The following KCNQ1 variants were observed in gnomAD, a reference collection of about 807,000 sequenced individuals.
KCNQ1 encodes the protein potassium voltage-gated channel subfamily Q member 1.
In KCNQ1, 49 loss-of-function variants were observed where a neutral mutation model predicts 72.4. The ratio of observed to expected loss-of-function variants is 0.68; its 90% confidence interval spans 0.54 to 0.86. The LOEUF is 0.86. Ranked by LOEUF, KCNQ1 falls within the 40% of genes least tolerant of loss-of-function variation. The pLI, the probability that KCNQ1 is intolerant of heterozygous loss-of-function variation, is 0.00. For missense variants in KCNQ1, 790 were observed against 945.1 expected (o/e 0.84, Z 2.15); for synonymous variants, 450 against 412.6 (o/e 1.09, Z -1.10).
intron 10 of KCNQ1, chr11:2,633,821 G>C (rs1347660523): frequency 5.0e-6 from 2 of 398,460 alleles, no homozygotes; most frequent in Non-Finnish European, 8.8e-6. Context: ...CAAAAGCCAT[G>C]TATATTCAAG....
intron 11 of KCNQ1, among the ~76,000 whole-genome samples, chr11:2,709,377 A>G (rs903367700): frequency 3.3e-5 from 5 of 149,792 alleles, no homozygotes; most frequent in Non-Finnish European, 4.4e-5. Context: ...TGGAATTGGG[A>G]GCCACTCTCG....
chr11:2,447,630 G>A lies in KCNQ1; in HGVS notation c.386+2146G>A, dbSNP rs934226712. Among the ~76,000 whole-genome samples the A allele has an allele frequency of 3.9e-5, 6 of 152,218 alleles. No individual in the cohort carries two copies. Among genetic ancestry groups the A allele is most frequent in the Admixed American group, 6.5e-5 (1 of 15,286 alleles). On this transcript the variant is annotated intron_variant, in intron 1 of 15. Coordinates refer to ENST00000155840, the MANE Select transcript of KCNQ1 (RefSeq NM_000218.3). The surrounding 1 kb of genome is among the most constrained non-coding windows in gnomAD (Gnocchi z 7.6). ...AGCTGGAGGCCACCTGCAGCCTCAC[G>A]AAATCAGGTCCAGCCTTGCGCCAGT...
Position 2,669,543 on chromosome 11 carries a change from G to T in KCNQ1, c.1514+7462G>T. The T allele has an allele frequency of 2.5e-6, 1 of 398,636 alleles. No individual in the cohort carries two copies. Among genetic ancestry groups the T allele is most frequent in the Non-Finnish European group, 4.4e-6 (1 of 226,086 alleles). 24.7% of individuals were successfully genotyped at this position (398,636 alleles called of 1,614,324 possible). ...GTATGTTCGCTGAATCCAGGGACAA[G>T]GTCTGTCAGGGAGCCCTGGCCAGCT... On this transcript the variant is annotated intron_variant, in intron 11 of 15. Transcript: ENST00000155840. This position sits in a 1 kb window ranked among gnomAD's most constrained non-coding sequence, Gnocchi z 5.6.
chr11:2,726,740 A>AT (rs1366173744), intron 11 of KCNQ1, among the ~76,000 whole-genome samples: 4 of 152,162 alleles, frequency 2.6e-5, no homozygotes, highest in Non-Finnish European at 5.9e-5. Context: ...GGAAATAGTG[A>AT]TTTTAAAGCC....
chr11:2,791,514 T>G (rs1347797691), intron 15 of KCNQ1, among the ~76,000 whole-genome samples: 2 of 151,796 alleles, frequency 1.3e-5, no homozygotes, highest in African/African-American at 4.8e-5. Context: ...CCATCAAAAA[T>G]AGATGTCCCG....
In KCNQ1 at chr11:2,826,072, A is replaced by G. The variant is rs1170507254; in HGVS notation, c.1795-21695A>G. ...GATTATGTGTAACTGCCTGTGAGTT[A>G]TAAGCCTCCACAGCAAGCAGCCTGT... On this transcript the variant is annotated intron_variant, in intron 15 of 15. Coordinates refer to ENST00000155840, the MANE Select transcript of KCNQ1 (RefSeq NM_000218.3). This position sits in a 1 kb window ranked among gnomAD's most constrained non-coding sequence, Gnocchi z 4.2. Among the ~76,000 whole-genome samples the G allele has an allele frequency of 6.6e-6, 1 of 152,250 alleles. No homozygotes were observed. The highest frequency in any genetic ancestry group is 2.4e-5 in the African/African-American group (1 of 41,470).
intron 11 of KCNQ1, among the ~76,000 whole-genome samples, chr11:2,721,758 C>G (rs1049807311): frequency 2.0e-5 from 3 of 152,234 alleles, no homozygotes; most frequent in African/African-American, 7.2e-5. Flanking sequence ...TCCCCTCGGC[C>G]TGCCTGGCCT....
At chr11:2,589,259 G>A (rs896295672) in intron 10 of KCNQ1, among the ~76,000 whole-genome samples, 3 of 152,318 alleles carry the variant, frequency 2.0e-5, no homozygotes, top group Non-Finnish European at 4.4e-5. Context: ...TGGGGATGGG[G>A]CCCTGGAGGA....
At chr11:2,614,774 C>T in intron 10 of KCNQ1, 4 of 398,358 alleles carry the variant, frequency 1.0e-5, no homozygotes, top group Non-Finnish European at 1.8e-5. Flanking sequence ...GTGTCAGTAC[C>T]ACATTGTTTT....
intron 10 of KCNQ1, chr11:2,609,198 T>A (rs1458445304): frequency 5.0e-6 from 2 of 398,296 alleles, no homozygotes; most frequent in African/African-American, 2.1e-5. Flanking sequence ...TTTAAATGTA[T>A]CCCATAAGTT....
Position 2,647,654 on chromosome 11 carries a change from T to C in KCNQ1, c.1394-14307T>C. ...AGGTTTTCTTTACTGGGAGACTTTA[T>C]TACTGATACAATCTCATTCCTTGTT... On this transcript the variant is annotated intron_variant, in intron 10 of 15. Coordinates refer to ENST00000155840, the MANE Select transcript of KCNQ1 (RefSeq NM_000218.3). The surrounding 1 kb of genome is among the most constrained non-coding windows in gnomAD (Gnocchi z 4.0). The C allele has an allele frequency of 2.5e-6, 1 of 398,592 alleles. No homozygotes were observed. 24.7% of individuals were successfully genotyped at this position (398,592 alleles called of 1,614,324 possible).
intron 1 of KCNQ1, among the ~76,000 whole-genome samples, chr11:2,522,780 C>G (rs1197152915): frequency 1.3e-5 from 2 of 152,224 alleles, no homozygotes; most frequent in Non-Finnish European, 2.9e-5. Flanking sequence ...TGGCTCCCAA[C>G]CCCCGGGCCT....
At position 2,748,838 on chromosome 11, in the gene KCNQ1, C is replaced by A. The variant is rs1056355152; in HGVS notation, c.1515-20006C>A. 1.3e-5 allele frequency among the ~76,000 whole-genome samples: 2 copies of A among 152,242 alleles called. No homozygotes were observed. Among genetic ancestry groups the A allele is most frequent in the Non-Finnish European group, 2.9e-5 (2 of 68,034 alleles). ...GAATGGTGCCCCTGGGGGCCAAGATCCCCACCTCTGGTCTGGCAGCTGGGT... is the reference window on the plus strand; with the variant it reads ...GAATGGTGCCCCTGGGGGCCAAGATACCCACCTCTGGTCTGGCAGCTGGGT... On this transcript the variant is annotated intron_variant, in intron 11 of 15. Coordinates refer to ENST00000155840, the MANE Select transcript of KCNQ1 (RefSeq NM_000218.3). This position sits in a 1 kb window ranked among gnomAD's most constrained non-coding sequence, Gnocchi z 6.2.
chr11:2,501,762 A>C (rs926962916), intron 1 of KCNQ1, among the ~76,000 whole-genome samples: 3 of 146,454 alleles, frequency 2.0e-5, no homozygotes, highest in Non-Finnish European at 4.5e-5. Flanking sequence ...CCACGGGCCA[A>C]TATCCCTGAT....
At chr11:2,779,686 T>A (rs1846784370) in intron 15 of KCNQ1, among the ~76,000 whole-genome samples, 1 of 152,170 alleles carries the variant, frequency 6.6e-6, no homozygotes, top group Non-Finnish European at 1.5e-5. Context: ...GAGTCTGGCA[T>A]CCTGCGGGGG....
At position 2,642,520 on chromosome 11, in the gene KCNQ1, C is replaced by A; in HGVS notation, c.1394-19441C>A. The A allele has an allele frequency of 2.5e-6, 1 of 397,740 alleles. No homozygotes were observed. Among genetic ancestry groups the A allele is most frequent in the Non-Finnish European group, 4.4e-6 (1 of 225,650 alleles). The allele number at this position is 397,740 out of a possible 1,614,324, so 24.6% of individuals were successfully genotyped here. ...TATTTCATGGTATGAGTTGTAATAT[C>A]CCCTTTTTCATTTTTGATTTTATTC... On this transcript the variant is annotated intron_variant, in intron 10 of 15. Transcript: ENST00000155840. This position sits in a 1 kb window ranked among gnomAD's most constrained non-coding sequence, Gnocchi z 4.3.
rs115688696 is a variant in KCNQ1 at position 2,744,698 on chromosome 11, C to T, written c.1515-24146C>T. ...ATGGAAATTTCTAAATTACGGTGTA[C>T]CGAATGCATCCACCCTTGGCCTCGT... On this transcript the variant is annotated intron_variant, in intron 11 of 15. Transcript: ENST00000155840. 5.3e-3 allele frequency among the ~76,000 whole-genome samples: 811 copies of T among 152,320 alleles called. 7 individuals carry two copies. The highest frequency in any genetic ancestry group is 0.018 in the African/African-American group (753 of 41,558).
rs958609779 is a variant in KCNQ1 at position 2,736,790 on chromosome 11, C to T, written c.1515-32054C>T. Among the ~76,000 whole-genome samples, 4 of 152,240 alleles carry T rather than the reference C, an allele frequency of 2.6e-5. No individual in the cohort carries two copies. In the South Asian group the frequency reaches 6.2e-4, roughly 24 times the overall value. ...GGTGGGTTCCTGGCTGGCTGGCATG[C>T]GCCCTGCGCCTCTGCTGGGCCTGGT... is the stretch of plus-strand genomic sequence containing the variant. On this transcript the variant is annotated intron_variant, in intron 11 of 15. Transcript: ENST00000155840.
intron 10 of KCNQ1, chr11:2,618,350 A>G (rs1393764209): frequency 7.5e-6 from 3 of 398,454 alleles, no homozygotes; most frequent in Non-Finnish European, 1.3e-5. Flanking sequence ...AAAGTTTACA[A>G]ATTTGTGTTG....
Sources: gnomAD v4.1 joint callset for allele counts (sites outside exome capture counted in the v4.1 genomes callset) on GRCh38, gnomAD v4.1.1 for gene constraint, Gnocchi (gnomAD v3.1) non-coding constraint, MANE v1.5 for transcripts, NCBI Gene and HGNC (gene_info 2026-07-23, HGNC 2026-07-21) for gene names.